Variants in BAALC observed in about 807,000 individuals in gnomAD.
The protein encoded by BAALC is BAALC binder of MAP3K1 and KLF4.
Under a neutral mutation model 15.5 loss-of-function variants are expected in BAALC, and 9 were observed. The ratio of observed to expected loss-of-function variants is 0.58; its 90% CI spans 0.35 to 1.02. BAALC has a LOEUF of 1.02. BAALC is among the 50% of genes least tolerant of loss of function. The pLI is 0.02. For missense variants in BAALC, 201 were observed against 192.4 expected, an observed-to-expected ratio of 1.04 and a Z score of -0.27; for synonymous variants, 80 against 74.6, an observed-to-expected ratio of 1.07 and a Z score of -0.37.
chr8:103,151,775 G>A (rs906298910), intron 1 of BAALC, among the ~76,000 whole-genome samples: 1 of 150,822 alleles, frequency 6.6e-6, no homozygotes, highest in Non-Finnish European at 1.5e-5. Flanking sequence ...AAAAATCACA[G>A]ACTTGCCGTG....
At position 103,178,921 on chromosome 8, in the gene BAALC, G is replaced by A. The variant is rs550020579; in HGVS notation, c.161-33998G>A. 4.2e-3 allele frequency among the ~76,000 whole-genome samples: 634 copies of A among 151,702 alleles called. 4 individuals are homozygous for A. The highest frequency in any genetic ancestry group is 6.7e-3 in the Non-Finnish European group (453 of 67,930). ...TAAATAAATGGCTCAGAACAAAAGG[G>A]AATATGAGAAACTTTTAAAAATAGT... On this transcript the variant is annotated intron_variant, in intron 1 of 2. Coordinates refer to ENST00000309982, the MANE Select transcript of BAALC (RefSeq NM_024812.3).
chr8:103,207,287 T>C (rs776570189), intron 1 of BAALC, among the ~76,000 whole-genome samples: 7 of 152,226 alleles, frequency 4.6e-5, no homozygotes, highest in Non-Finnish European at 1.0e-4. Context: ...TTAACACGTA[T>C]ATTTTACATA....
chr8:103,147,285 C>T (rs964145622), intron 1 of BAALC, among the ~76,000 whole-genome samples: 6 of 152,180 alleles, frequency 3.9e-5, no homozygotes, highest in African/African-American at 1.4e-4. Flanking sequence ...ATCCTAAGTG[C>T]ATTCCAGAAT....
intron 1 of BAALC, among the ~76,000 whole-genome samples, chr8:103,195,345 T>G (rs972005159): frequency 3.3e-5 from 5 of 152,172 alleles, no homozygotes; most frequent in Admixed American, 3.3e-4. Flanking sequence ...GGAGAACTGC[T>G]TTTGCTACAG....
chr8:103,155,552 G>C (rs1006224102), intron 1 of BAALC, among the ~76,000 whole-genome samples: 1 of 152,234 alleles, frequency 6.6e-6, no homozygotes, highest in Non-Finnish European at 1.5e-5. Flanking sequence ...CCTTGGGTAA[G>C]GTCATTTCCT....
chr8:103,228,226 A>T lies in BAALC; in HGVS notation c.*127A>T, dbSNP rs111677857. ...TGAATTCTACTGAGTCCCTGGCAAG[A>T]CTGTCTTACCTGGCAGCAAACTGCT... On this transcript the variant is annotated 3_prime_UTR_variant, in exon 3 of 3. Transcript: ENST00000309982. 57 of 661,674 alleles carry T rather than the reference A, an allele frequency of 8.6e-5. 1 individual carries two copies. In the African/African-American group the frequency reaches 8.9e-4, roughly 10 times the overall value. The allele number at this position is 661,674 out of a possible 1,614,324, so 41.0% of individuals were successfully genotyped here.
chr8:103,223,621 G>A (rs1375428186), intron 2 of BAALC, among the ~76,000 whole-genome samples: 1 of 147,942 alleles, frequency 6.8e-6, no homozygotes, highest in Non-Finnish European at 1.5e-5. Flanking sequence ...TATTGTAATT[G>A]GGATTACAAT....
chr8:103,143,002 C>G (rs917367406), intron 1 of BAALC, among the ~76,000 whole-genome samples: 21 of 152,306 alleles, frequency 1.4e-4, no homozygotes, highest in African/African-American at 5.1e-4. Flanking sequence ...TGGCAAGACG[C>G]TTGTATGGGC....
At chr8:103,162,200 A>G (rs1173055047) in intron 1 of BAALC, among the ~76,000 whole-genome samples, 2 of 151,932 alleles carry the variant, frequency 1.3e-5, no homozygotes, top group Admixed American at 6.6e-5. Flanking sequence ...GGGCTGAAGC[A>G]ATTCTCCCAC....
At chr8:103,187,854 A>G (rs1390498347) in intron 1 of BAALC, among the ~76,000 whole-genome samples, 2 of 152,220 alleles carry the variant, frequency 1.3e-5, no homozygotes, top group Admixed American at 1.3e-4. Context: ...ACCCCAGTGT[A>G]GATCCCAGCT....
intron 2 of BAALC, among the ~76,000 whole-genome samples, chr8:103,224,135 GTGTT>G (rs1812745406): frequency 6.8e-6 from 1 of 147,836 alleles, no homozygotes; most frequent in Admixed American, 6.7e-5. Context: ...GTGTGTGTGT[GTGTT>G]TAGCAGGCAT....
intron 1 of BAALC, among the ~76,000 whole-genome samples, chr8:103,169,561 A>G (rs1409895124): frequency 6.6e-6 from 1 of 152,164 alleles, no homozygotes; most frequent in African/African-American, 2.4e-5. Flanking sequence ...ATCTGGCTGG[A>G]TCATTCCTTT....
At chr8:103,187,593 A>G (rs1438037531) in intron 1 of BAALC, among the ~76,000 whole-genome samples, 1 of 152,042 alleles carries the variant, frequency 6.6e-6, no homozygotes, top group Non-Finnish European at 1.5e-5. Flanking sequence ...CCTGTACTCT[A>G]TGTCTTAGTT....
At chr8:103,205,348 G>A (rs912237166) in intron 1 of BAALC, among the ~76,000 whole-genome samples, 3 of 152,248 alleles carry the variant, frequency 2.0e-5, no homozygotes, top group Middle Eastern at 6.8e-3. Context: ...TTTTGGCAAG[G>A]TTCAGTGATT....
chr8:103,163,160 A>G (rs1811266369), intron 1 of BAALC, among the ~76,000 whole-genome samples: 1 of 151,938 alleles, frequency 6.6e-6, no homozygotes, highest in South Asian at 2.1e-4. Flanking sequence ...CAGTTTCCCT[A>G]CACCACCATT....
At chr8:103,213,131 T>C (rs1586436033) in intron 2 of BAALC, 46 bp downstream of exon 2, 1 of 1,595,726 alleles carries the variant, frequency 6.3e-7, no homozygotes. Flanking sequence ...AGAATGGGGG[T>C]AGGGCTTGCT....
intron 1 of BAALC, among the ~76,000 whole-genome samples, chr8:103,196,365 C>A (rs895623895): frequency 3.9e-5 from 6 of 152,120 alleles, no homozygotes; most frequent in Non-Finnish European, 8.8e-5. Context: ...ACTGCAACCT[C>A]CACCTCCCAG....
intron 1 of BAALC, among the ~76,000 whole-genome samples, chr8:103,192,168 C>G (rs1480496321): frequency 6.6e-6 from 1 of 152,228 alleles, no homozygotes; most frequent in Non-Finnish European, 1.5e-5. Context: ...TCTCCTGTCT[C>G]AGCCTCCCGA....
At chr8:103,180,568 A>G (rs1193396037) in intron 1 of BAALC, among the ~76,000 whole-genome samples, 4 of 152,332 alleles carry the variant, frequency 2.6e-5, no homozygotes, top group East Asian at 3.9e-4. Flanking sequence ...GCATCCTTCA[A>G]GCCCTTGCCT....
Sources: allele counts gnomAD v4.1 joint callset (sites outside exome capture counted in the v4.1 genomes callset), GRCh38; gene constraint gnomAD v4.1.1; transcripts MANE v1.5; gene names NCBI Gene and HGNC (gene_info 2026-07-23, HGNC 2026-07-21).